FBN3: variants seen among roughly 807,000 people sequenced by gnomAD.
FBN3 encodes the protein fibrillin-3.
Under a neutral mutation model 330.1 loss-of-function variants are expected in FBN3, and 234 were observed. That is an observed-to-expected ratio of 0.71 (90% confidence interval 0.64 to 0.79). FBN3 has a LOEUF of 0.79. Ranked by LOEUF, FBN3 falls within the 30% of genes least tolerant of loss-of-function variation. FBN3 has a pLI of 0.00. For missense variants in FBN3, 3,606 were observed against 3,886.9 expected (o/e 0.93, Z 1.92); for synonymous variants, 1,458 against 1,517.3 (o/e 0.96, Z 0.91).
At chr19:8,142,168 T>A (rs1458717003) in intron 6 of FBN3, 31 bp from the exon 7 acceptor site, 10 of 1,563,298 alleles carry the variant, frequency 6.4e-6, no homozygotes, top group Non-Finnish European at 8.7e-6. Flanking sequence ...GGTACCTGGC[T>A]GAGGGCTGCC....
chr19:8,147,185 G>A lies in FBN3; in HGVS notation c.169C>T (p.Pro57Ser), dbSNP rs1208044973. 1.3e-6 allele frequency: 2 copies of A among 1,566,948 alleles called. No homozygotes were observed. The highest frequency in any genetic ancestry group is 1.2e-5 in the South Asian group (1 of 85,188). Residue 57 changes from proline to serine, a missense_variant and splice_region_variant, in exon 3 of 64, where the codon CCG (proline) becomes TCG (serine). Transcript: ENST00000600128. Reference protein sequence around the residue: ...RRGSPGILQGPNVCGSRFHAY... With the variant: ...RRGSPGILQGSNVCGSRFHAY... ...TGGAACCGGGAGCCGCACACATTCG[G>A]CCTTCGGGGACAGCGAGATGGGTCT...
At chr19:8,116,444 CTTCTG>C (rs1351380628) in intron 29 of FBN3, among the ~76,000 whole-genome samples, 41 of 152,184 alleles carry the variant, frequency 2.7e-4, no homozygotes, top group Admixed American at 2.7e-3. Flanking sequence ...GGGAATTCTG[CTTCTG>C]TTATATAAAT....
chr19:8,073,189 G>T lies in FBN3; in HGVS notation c.7811C>A (p.Ala2604Asp). The change falls in exon 62 of 64, where the codon GCC (alanine) becomes GAC (aspartate). Residue 2604 changes from alanine (A) to aspartate (D), a missense_variant. By Grantham distance (126) the Ala-to-Asp change is moderately radical. Transcript: ENST00000600128. Reference sequence around the variant, plus strand: ...ATCCACCTCCTGGCAGCCCCCGAGGGCCTGATCAAAGTCAAAGCCAGAGGG... The same window carrying T: ...ATCCACCTCCTGGCAGCCCCCGAGGTCCTGATCAAAGTCAAAGCCAGAGGG... Reference protein sequence around the residue: ...VCPSGFDFDQALGGCQEVDEC... With the variant: ...VCPSGFDFDQDLGGCQEVDEC... The T allele has an allele frequency of 1.2e-6, 2 of 1,614,002 alleles. No individual in the cohort carries two copies. The highest frequency in any genetic ancestry group is 1.7e-6 in the Non-Finnish European group (2 of 1,179,984).
chr19:8,101,929 C>T (rs1010845487), intron 40 of FBN3, among the ~76,000 whole-genome samples: 6 of 152,214 alleles, frequency 3.9e-5, no homozygotes, highest in Non-Finnish European at 8.8e-5. Context: ...GTGTCCCCAC[C>T]TAAACCTCAA....
At chr19:8,093,937 T>C (rs1265569398) in intron 47 of FBN3, among the ~76,000 whole-genome samples, 1 of 152,066 alleles carries the variant, frequency 6.6e-6, no homozygotes, top group Non-Finnish European at 1.5e-5. Flanking sequence ...GGCTAGCCCA[T>C]CTGCTCAAGC....
At chr19:8,120,514 G>T (rs2082821285) in intron 25 of FBN3, among the ~76,000 whole-genome samples, 1 of 137,284 alleles carries the variant, frequency 7.3e-6, no homozygotes, top group Non-Finnish European at 1.6e-5. Context: ...CTTTAGACAG[G>T]GTCTCACTCT....
intron 6 of FBN3, among the ~76,000 whole-genome samples, chr19:8,142,853 C>A (rs2083445563): frequency 7.0e-6 from 1 of 143,228 alleles, no homozygotes; most frequent in Non-Finnish European, 1.5e-5. Flanking sequence ...CCTGGCAGCT[C>A]CCCCACTCCC....
Position 8,096,339 on chromosome 19 carries a change from A to G in FBN3, c.5539+105T>C. On this transcript the variant is annotated intron_variant, in intron 44 of 63. Coordinates refer to ENST00000600128, the MANE Select transcript of FBN3 (RefSeq NM_032447.5). This position sits in a 1 kb window ranked among gnomAD's most constrained non-coding sequence, Gnocchi z 4.6. Reference sequence around the variant, plus strand: ...TCTTAATCTCAGGACCCAAACTTGGATCTCTTTGTGAACTAGGATGGACAG... The same window carrying G: ...TCTTAATCTCAGGACCCAAACTTGGGTCTCTTTGTGAACTAGGATGGACAG... 7.2e-7 allele frequency: 1 copy of G among 1,395,380 alleles called. No individual in the cohort carries two copies. Among genetic ancestry groups the G allele is most frequent in the African/African-American group, 1.4e-5 (1 of 69,642 alleles). The allele number at this position is 1,395,380 out of a possible 1,614,324, so 86.4% of individuals were successfully genotyped here. A position where few individuals can be genotyped will look rare whatever the true frequency, so the allele number is the denominator to read the frequency against.
chr19:8,113,728 G>T (rs528541649), intron 30 of FBN3, among the ~76,000 whole-genome samples: 2 of 151,378 alleles, frequency 1.3e-5, no homozygotes, highest in East Asian at 3.9e-4. Context: ...GATACTACTG[G>T]GTGCAGTGAC....
In FBN3 at chr19:8,129,294, G is replaced by A. The variant is rs768697878; in HGVS notation, c.2116C>T (p.Arg706Cys). ...GVCENLRGSY[R>C]CVCNLGYEAG... is the part of the protein sequence containing the mutation. ...TCATAACCCAGGTTGCAGACACAGC[G>A]GTAGCTGCCCCGAAGGTTCTCGCAC... is the stretch of plus-strand genomic sequence containing the variant. Residue 706 changes from arginine to cysteine, a missense_variant, in exon 17 of 64, where the codon CGC becomes TGC. Physicochemically the swap from Arg to Cys is radical, Grantham distance 180 (BLOSUM62 -3). Transcript: ENST00000600128. This position sits in a 1 kb window ranked among gnomAD's most constrained non-coding sequence, Gnocchi z 4.5. 85 of 1,614,164 alleles carry A rather than the reference G, an allele frequency of 5.3e-5. 1 individual carries two copies. The highest frequency in any genetic ancestry group is 4.9e-4 in the East Asian group (22 of 44,880).
chr19:8,087,889 C>G lies in FBN3; in HGVS notation c.6555G>C (p.Glu2185Asp), dbSNP rs752987243. ...LLCAFRCHNTEGSYLCTCPAG... is the reference protein window; with the variant it reads ...LLCAFRCHNTDGSYLCTCPAG... ...CTGGACAGGTGCACAGGTAGGAGCC[C>G]TCGGTATTGTGGCAGCGGAAGGCAC... The change falls in exon 53 of 64, where the codon GAG (glutamate) becomes GAC (aspartate). Residue 2185 changes from glutamate (E) to aspartate (D), a missense_variant. Physicochemically the swap from Glu to Asp is conservative, Grantham distance 45. Coordinates refer to ENST00000600128, the MANE Select transcript of FBN3 (RefSeq NM_032447.5). 2.5e-6 allele frequency: 4 copies of G among 1,614,150 alleles called. No homozygotes were observed. The South Asian group carries it at 4.4e-5, about 18-fold the overall frequency.
chr19:8,114,278 C>T (rs947940891), intron 30 of FBN3, among the ~76,000 whole-genome samples: 1 of 152,070 alleles, frequency 6.6e-6, no homozygotes, highest in African/African-American at 2.4e-5. Flanking sequence ...GAGATGGAGT[C>T]TTGCTCTGTG....
rs776334239 is a variant in FBN3, at chr19:8,080,986, G to T, written c.7453+17C>A. 9 of 1,561,022 alleles carry T rather than the reference G, an allele frequency of 5.8e-6. No homozygotes were observed. The highest frequency in any genetic ancestry group is 4.1e-5 in the African/African-American group (3 of 73,668). ...GGGTCATGGGTCACCTCCCGGTGAG[G>T]GGCAAGGGTCACTCACCGAAGCAGG... On this transcript the variant is annotated intron_variant, in intron 59 of 63. Transcript: ENST00000600128.
At chr19:8,083,765 C>A (rs1243342859) in intron 56 of FBN3, among the ~76,000 whole-genome samples, 1 of 151,692 alleles carries the variant, frequency 6.6e-6, no homozygotes, top group Non-Finnish European at 1.5e-5. Flanking sequence ...CCCAGCCACA[C>A]CCCCAAAAAG....
Position 8,096,872 on chromosome 19 carries a change from C to G in FBN3, c.5413+9G>C, listed in dbSNP as rs201174567. ...AGCTCCCTCACCTCCTCCCAGGGAC[C>G]CTGCTCACCCACACAAGCCCCGCCT... On this transcript the variant is annotated intron_variant, in intron 43 of 63. Transcript: ENST00000600128. The surrounding 1 kb of genome is among the most constrained non-coding windows in gnomAD (Gnocchi z 4.6). 6 of 1,612,216 alleles carry G rather than the reference C, an allele frequency of 3.7e-6. No individual in the cohort carries two copies. Among genetic ancestry groups the G allele is most frequent in the East Asian group, 2.2e-5 (1 of 44,882 alleles).
At chr19:8,075,999 G>A (rs867221598) in intron 59 of FBN3, among the ~76,000 whole-genome samples, 2 of 152,092 alleles carry the variant, frequency 1.3e-5, no homozygotes, top group Non-Finnish European at 2.9e-5. Flanking sequence ...AGGTGATCAG[G>A]GTTAGATAAG....
rs1269156616 is a variant in FBN3, at chr19:8,109,210, G to T, written c.4618+17C>A. The stretch of plus-strand genomic sequence containing the variant: ...GTGGCTTAGGTCACGGTGTTCAACT[G>T]CCCCGCAGGGACTCACTGGTGTTGG... On this transcript the variant is annotated intron_variant, in intron 36 of 63. Transcript: ENST00000600128. The surrounding 1 kb of genome is among the most constrained non-coding windows in gnomAD (Gnocchi z 5.2). 3 of 1,613,132 alleles carry T rather than the reference G, an allele frequency of 1.9e-6. No homozygotes were observed. The highest frequency in any genetic ancestry group is 2.2e-5 in the South Asian group (2 of 91,008).
chr19:8,097,067 C>T (rs1002933893), intron 42 of FBN3, 61 bp from the exon 43 acceptor site: 66 of 1,583,528 alleles, frequency 4.2e-5, no homozygotes, highest in Middle Eastern at 1.7e-4. Context: ...CAGAATCAAA[C>T]GTGAAACCCA....
rs33973797 is a variant in FBN3, at chr19:8,092,707, CAAAAAAAAA to C, written c.5906-1126_5906-1118del. ...TCTGGGTGACAGAGTGAGACTCCAC[CAAAAAAAAA>C]AAAAAAAAAAAAAAAAAGGAACAAA... On this transcript the variant is annotated intron_variant, in intron 47 of 63. Coordinates refer to ENST00000600128, the MANE Select transcript of FBN3 (RefSeq NM_032447.5). 4.6e-3 allele frequency among the ~76,000 whole-genome samples: 323 copies of C among 70,170 alleles called. 2 individuals are homozygous for C. Among genetic ancestry groups the C allele is most frequent in the Middle Eastern group, 0.043 (4 of 94 alleles). The allele number at this position is 70,170 out of a possible 152,430, so 46.0% of individuals were successfully genotyped here.
Sources: gnomAD v4.1 joint callset for allele counts (sites outside exome capture counted in the v4.1 genomes callset) on GRCh38, gnomAD v4.1.1 for gene constraint, Gnocchi (gnomAD v3.1) non-coding constraint, MANE v1.5 for transcripts, NCBI Gene and HGNC (gene_info 2026-07-23, HGNC 2026-07-21) for gene names.